The following NBAS variants were observed in gnomAD, a reference collection of about 807,000 sequenced individuals.
NBAS encodes NBAS subunit of NRZ tethering complex.
Under a neutral mutation model 302.5 loss-of-function variants are expected in NBAS, and 219 were observed. The ratio of observed to expected loss-of-function variants is 0.72; its 90% CI spans 0.65 to 0.81. The LOEUF is 0.81. Among genes scored for constraint, NBAS ranks in the 30% least tolerant of loss-of-function variants. NBAS has a pLI of 0.00. For synonymous variants in NBAS, 1,118 were observed against 1,021.6 expected, an observed-to-expected ratio of 1.09 and a Z score of -1.80; for missense variants, 2,932 against 2,841.6, an observed-to-expected ratio of 1.03 and a Z score of -0.72.
rs373823461 is a variant in NBAS, at chr2:15,219,892, T to A, written c.6237-924A>T. On this transcript the variant is annotated intron_variant, in intron 47 of 51. Coordinates refer to ENST00000281513, the MANE Select transcript of NBAS (RefSeq NM_015909.4). ...GGCAGAGGGGCTCCTCACTTCCCAGTAGGGGCGGCCGGGCAGAAGCGCCCC... is the reference window on the plus strand; with the variant it reads ...GGCAGAGGGGCTCCTCACTTCCCAGAAGGGGCGGCCGGGCAGAAGCGCCCC... Among the ~76,000 whole-genome samples the A allele has an allele frequency of 2.9e-4, 42 of 143,484 alleles. No individual in the cohort carries two copies. The East Asian group carries it at 8.4e-3, about 29-fold the overall frequency. The allele number at this position is 143,484 out of a possible 152,430, so 94.1% of individuals were successfully genotyped here. A position where few individuals can be genotyped will look rare whatever the true frequency, so the allele number is the denominator to read the frequency against.
At chr2:15,386,256 A>G (rs1572761111) in intron 28 of NBAS, among the ~76,000 whole-genome samples, 2 of 152,212 alleles carry the variant, frequency 1.3e-5, no homozygotes, top group East Asian at 3.8e-4. Flanking sequence ...TCTAGGAAGG[A>G]GAATTCAATT....
the NBAS span, among the ~76,000 whole-genome samples, chr2:15,106,119 G>C: frequency 4.9e-3 from 743 of 152,214 alleles, 15 homozygotes; most frequent in Admixed American, 0.038. Context: ...TATTAACACT[G>C]CAAGCTCTAA....
At chr2:14,900,112 C>CTTTTTTTTTTTTTTTTTT in the NBAS span, among the ~76,000 whole-genome samples, 2 of 140,636 alleles carry the variant, frequency 1.4e-5, no homozygotes. Flanking sequence ...AAGTCACATG[C>CTTTTTTTTTTTTTTTTTT]TTTTTTTTTT....
the NBAS span, among the ~76,000 whole-genome samples, chr2:14,970,135 T>G: frequency 3.7e-4 from 57 of 152,242 alleles, no homozygotes; most frequent in Admixed American, 3.1e-3. Flanking sequence ...AATCAGTACT[T>G]CAGGCCTCTA....
the NBAS span, among the ~76,000 whole-genome samples, chr2:14,926,238 C>T: frequency 6.6e-6 from 1 of 152,202 alleles, no homozygotes; most frequent in Non-Finnish European, 1.5e-5. Flanking sequence ...AGAGATCACA[C>T]CTACCTCCAC....
At chr2:15,084,143 G>A in the NBAS span, among the ~76,000 whole-genome samples, 1 of 151,850 alleles carries the variant, frequency 6.6e-6, no homozygotes, top group African/African-American at 2.4e-5. Flanking sequence ...CCTTGACCTG[G>A]GCTCAAGTAA....
chr2:14,814,113 C>T, the NBAS span, among the ~76,000 whole-genome samples: 6 of 152,204 alleles, frequency 3.9e-5, no homozygotes, highest in Non-Finnish European at 8.8e-5. Flanking sequence ...TATGAAAATG[C>T]CTAGATGTCC....
At chr2:15,263,015 T>C (rs1287941236) in intron 44 of NBAS, among the ~76,000 whole-genome samples, 2 of 152,228 alleles carry the variant, frequency 1.3e-5, no homozygotes, top group African/African-American at 2.4e-5. Context: ...ATCCAGGTGT[T>C]TGCTGCTCAT....
At chr2:14,810,973 G>C in the NBAS span, among the ~76,000 whole-genome samples, 1 of 151,336 alleles carries the variant, frequency 6.6e-6, no homozygotes, top group African/African-American at 2.5e-5. Context: ...CCTGATTTCA[G>C]ATCAGAAGTG....
At chr2:15,015,995 C>T in the NBAS span, among the ~76,000 whole-genome samples, 3 of 151,640 alleles carry the variant, frequency 2.0e-5, no homozygotes, top group African/African-American at 7.3e-5. Flanking sequence ...ATGAACCAAC[C>T]GGAAAAGAAA....
the NBAS span, among the ~76,000 whole-genome samples, chr2:14,966,484 G>C: frequency 6.6e-6 from 1 of 152,160 alleles, no homozygotes; most frequent in Non-Finnish European, 1.5e-5. Flanking sequence ...CCCCAGTACA[G>C]CTGCTGATAC....
At chr2:15,314,524 G>A (rs1173764670) in intron 38 of NBAS, among the ~76,000 whole-genome samples, 5 of 152,158 alleles carry the variant, frequency 3.3e-5, no homozygotes, top group Admixed American at 2.6e-4. Context: ...GCTCCTGCCC[G>A]TGCCATGCTG....
chr2:15,544,455 C>T (rs750319803), intron 6 of NBAS, among the ~76,000 whole-genome samples: 1 of 151,910 alleles, frequency 6.6e-6, no homozygotes, highest in Non-Finnish European at 1.5e-5. Flanking sequence ...GATGCCACAA[C>T]AAATTTAAAA....
At chr2:14,988,676 T>C in the NBAS span, among the ~76,000 whole-genome samples, 2 of 152,136 alleles carry the variant, frequency 1.3e-5, no homozygotes, top group Non-Finnish European at 2.9e-5. Flanking sequence ...ATACAACTGG[T>C]AAACAGATAT....
intron 47 of NBAS, among the ~76,000 whole-genome samples, chr2:15,221,890 A>ACTCTT (rs1169588747): frequency 6.6e-6 from 1 of 152,128 alleles, no homozygotes; most frequent in African/African-American, 2.4e-5. Context: ...GTGCAGTTTA[A>ACTCTT]CTCTTTGACA....
At position 15,532,265 on chromosome 2, in the gene NBAS, G is replaced by A. The variant is rs537753737; in HGVS notation, c.746+2278C>T. Among the ~76,000 whole-genome samples, 18 of 151,968 alleles carry A rather than the reference G, an allele frequency of 1.2e-4. No homozygotes were observed. The East Asian group carries it at 1.7e-3, about 15-fold the overall frequency. On this transcript the variant is annotated intron_variant, in intron 9 of 51. Transcript: ENST00000281513. ...AGCACTTTGGGAGGCCGAGGTGGGC[G>A]GATCACGAGGTCAGGAGATCGAAAC... is the stretch of plus-strand genomic sequence containing the variant.
the NBAS span, among the ~76,000 whole-genome samples, chr2:14,891,273 G>A: frequency 6.6e-6 from 1 of 151,928 alleles, no homozygotes; most frequent in Non-Finnish European, 1.5e-5. Context: ...AAGTTGATAT[G>A]ACATAAATAA....
At chr2:15,070,748 T>C in the NBAS span, among the ~76,000 whole-genome samples, 1 of 152,174 alleles carries the variant, frequency 6.6e-6, no homozygotes, top group Non-Finnish European at 1.5e-5. Flanking sequence ...ATTAGCATCA[T>C]TAGAATATAT....
the NBAS span, among the ~76,000 whole-genome samples, chr2:15,062,264 C>T: frequency 1.3e-5 from 2 of 152,200 alleles, no homozygotes; most frequent in Non-Finnish European, 2.9e-5. Context: ...ATGTCTCAGC[C>T]ATTGAGCTTG....
Sources: allele counts gnomAD v4.1 joint callset (sites outside exome capture counted in the v4.1 genomes callset), GRCh38; gene constraint gnomAD v4.1.1; transcripts MANE v1.5; gene names NCBI Gene and HGNC (gene_info 2026-07-23, HGNC 2026-07-21).